The following MAP3K5 variants were observed in gnomAD, a reference collection of about 807,000 sequenced individuals.
MAP3K5 encodes mitogen-activated protein kinase kinase kinase 5.
Under a neutral mutation model 158.7 loss-of-function variants are expected in MAP3K5, and 56 were observed. The observed-to-expected ratio is 0.35, with a 90% CI of 0.28 to 0.44. The LOEUF is 0.44. Among genes scored for constraint, MAP3K5 ranks in the 20% least tolerant of loss-of-function variants. The pLI, the probability that MAP3K5 is intolerant of heterozygous loss-of-function variation, is 1.00. For synonymous variants in MAP3K5, 579 were observed against 601.7 expected (o/e 0.96, Z 0.55); for missense variants, 1,294 against 1,674.8 (o/e 0.77, Z 3.97).
At chr6:136,739,250 T>C (rs1782610596) in intron 1 of MAP3K5, among the ~76,000 whole-genome samples, 1 of 152,214 alleles carries the variant, frequency 6.6e-6, no homozygotes, top group Non-Finnish European at 1.5e-5. Flanking sequence ...GTGTCGCTCC[T>C]GCCTGCTATG....
At chr6:136,621,825 G>A (rs963421748) in intron 15 of MAP3K5, among the ~76,000 whole-genome samples, 2 of 152,208 alleles carry the variant, frequency 1.3e-5, no homozygotes, top group Admixed American at 1.3e-4. Context: ...GGTGGCTCAC[G>A]CCTGTAATCC....
At chr6:136,767,116 T>C (rs1783999486) in intron 1 of MAP3K5, among the ~76,000 whole-genome samples, 1 of 152,216 alleles carries the variant, frequency 6.6e-6, no homozygotes, top group Non-Finnish European at 1.5e-5. Flanking sequence ...ATCTCTATAA[T>C]AAATCTTTCA....
chr6:136,628,278 A>T (rs947568845), intron 14 of MAP3K5, among the ~76,000 whole-genome samples: 5 of 151,912 alleles, frequency 3.3e-5, no homozygotes, highest in African/African-American at 4.8e-5. Flanking sequence ...TGTCCAGCTA[A>T]TTTTTTCTAT....
At position 136,562,539 on chromosome 6, in the gene MAP3K5, C is replaced by A; in HGVS notation, c.3838G>T (p.Glu1280Ter). The change falls in exon 27 of 30, where the codon GAA (glutamate) becomes TAA (stop). Residue 1280 changes from glutamate to a stop codon, truncating the protein, a stop_gained. Transcript: ENST00000359015. LOFTEE classifies it high-confidence loss of function. ...GACTTAAGCTTCAGGTGTTTAATTT[C>A]TTGGTCTTTTTCTTCAATAGCTCGA... The part of the protein sequence containing the change: ...LHRAIEEKDQ[E>*]IKHLKLKSQP... The A allele has an allele frequency of 1.2e-6, 2 of 1,602,654 alleles. No homozygotes were observed. Among genetic ancestry groups the A allele is most frequent in the East Asian group, 2.3e-5 (1 of 43,526 alleles).
intron 1 of MAP3K5, among the ~76,000 whole-genome samples, chr6:136,721,626 T>C (rs1479949593): frequency 6.6e-6 from 1 of 152,256 alleles, no homozygotes; most frequent in Admixed American, 6.5e-5. Context: ...TTAAAATTTA[T>C]TTGCAGAATG....
chr6:136,603,335 C>A (rs1775962895), intron 19 of MAP3K5, among the ~76,000 whole-genome samples: 1 of 150,986 alleles, frequency 6.6e-6, no homozygotes, highest in Non-Finnish European at 1.5e-5. Flanking sequence ...ACTGTGCCCC[C>A]CTAATTTTTT....
Position 136,747,781 on chromosome 6 carries a change from C to T in MAP3K5, c.449-27192G>A, listed in dbSNP as rs78387348. On this transcript the variant is annotated intron_variant, in intron 1 of 29. Coordinates refer to ENST00000359015, the MANE Select transcript of MAP3K5 (RefSeq NM_005923.4). ...CTTTCTCATAAGCACCCAGTTGATG[C>T]CCATGCTGCTGTGTAGGGACCACAT... Among the ~76,000 whole-genome samples the T allele has an allele frequency of 9.0e-3, 1,373 of 152,258 alleles. 15 individuals carry two copies. The highest frequency in any genetic ancestry group is 0.03 in the African/African-American group (1,262 of 41,542).
chr6:136,569,917 A>G (rs758871399), intron 25 of MAP3K5, among the ~76,000 whole-genome samples: 2 of 152,168 alleles, frequency 1.3e-5, no homozygotes, highest in Admixed American at 6.5e-5. Context: ...GAAATATTGA[A>G]TTTTCACTCC....
intron 14 of MAP3K5, among the ~76,000 whole-genome samples, chr6:136,635,716 C>T (rs951902108): frequency 2.2e-5 from 3 of 134,954 alleles, no homozygotes; most frequent in East Asian, 2.1e-4. Context: ...AGTGAGATCC[C>T]GTCTCCACCA....
intron 7 of MAP3K5, among the ~76,000 whole-genome samples, chr6:136,685,335 A>C (rs954973716): frequency 1.3e-5 from 2 of 152,044 alleles, no homozygotes; most frequent in Non-Finnish European, 2.9e-5. Flanking sequence ...TAATAATAAT[A>C]ATAATCTAAA....
chr6:136,688,996 G>GAA (rs756063799), intron 7 of MAP3K5, among the ~76,000 whole-genome samples: 2 of 144,852 alleles, frequency 1.4e-5, no homozygotes, highest in Admixed American at 6.9e-5. Flanking sequence ...TGTAATAGCA[G>GAA]AAAAAAAAAA....
chr6:136,681,874 G>A (rs182096705), intron 7 of MAP3K5, among the ~76,000 whole-genome samples: 1,684 of 152,034 alleles, frequency 0.011, 8 homozygotes, highest in Non-Finnish European at 0.019. Context: ...AGCCAAGATC[G>A]TGCCATTGCA....
At chr6:136,702,015 A>G (rs986108734) in intron 3 of MAP3K5, among the ~76,000 whole-genome samples, 1 of 152,218 alleles carries the variant, frequency 6.6e-6, no homozygotes, top group Non-Finnish European at 1.5e-5. Flanking sequence ...GTAAAGGGGT[A>G]ATAATGACTA....
chr6:136,790,272 T>C (rs762628370), intron 1 of MAP3K5, among the ~76,000 whole-genome samples: 2 of 152,188 alleles, frequency 1.3e-5, no homozygotes, highest in Non-Finnish European at 2.9e-5. Context: ...TTTAACATTT[T>C]TTTTCTAGAG....
At chr6:136,595,671 C>A (rs1397346589) in intron 21 of MAP3K5, among the ~76,000 whole-genome samples, 3 of 152,230 alleles carry the variant, frequency 2.0e-5, no homozygotes, top group African/African-American at 7.2e-5. Flanking sequence ...AAGGAAAGTT[C>A]TTTTTAGTGG....
At chr6:136,614,090 C>G in intron 16 of MAP3K5, 69 bp downstream of exon 16, 3 of 1,540,894 alleles carry the variant, frequency 1.9e-6, no homozygotes, top group Non-Finnish European at 2.6e-6. Flanking sequence ...GCTAGTAAAT[C>G]CCATTCAATT....
chr6:136,722,209 T>C (rs1050566366), intron 1 of MAP3K5, among the ~76,000 whole-genome samples: 1 of 152,156 alleles, frequency 6.6e-6, no homozygotes, highest in Non-Finnish European at 1.5e-5. Flanking sequence ...GGCATCAAGA[T>C]GCAAAACTAT....
chr6:136,583,249 TA>T (rs1197428826), intron 24 of MAP3K5, among the ~76,000 whole-genome samples: 3 of 152,232 alleles, frequency 2.0e-5, no homozygotes, highest in Non-Finnish European at 4.4e-5. Context: ...GTTACGTTGC[TA>T]AAGTTGTCAA....
chr6:136,694,035 A>G, intron 7 of MAP3K5, 105 bp downstream of exon 7: 2 of 841,348 alleles, frequency 2.4e-6, no homozygotes, highest in Non-Finnish European at 3.6e-6. Flanking sequence ...TTCATAATAC[A>G]CAATCTTATG....
Sources: gnomAD v4.1 joint callset for allele counts (sites outside exome capture counted in the v4.1 genomes callset) on GRCh38, gnomAD v4.1.1 for gene constraint, MANE v1.5 for transcripts, NCBI Gene and HGNC (gene_info 2026-07-23, HGNC 2026-07-21) for gene names.